The following TBCK variants were observed in gnomAD, a reference collection of about 807,000 sequenced individuals.
TBCK encodes TBC domain-containing protein kinase-like protein.
A neutral mutation model predicts 113.4 loss-of-function variants in TBCK; 99 were observed. That is an observed-to-expected ratio of 0.87 (90% CI 0.74 to 1.03). TBCK has a LOEUF of 1.03. Among genes scored for constraint, TBCK ranks in the 50% least tolerant of loss-of-function variants. The pLI is 0.00. For synonymous variants in TBCK, 369 were observed against 370.8 expected (o/e 1.00, Z 0.05); for missense variants, 1,045 against 1,061.3 (o/e 0.98, Z 0.21).
At position 106,242,504 on chromosome 4, in the gene TBCK, G is replaced by A. The variant is rs1445824440; in HGVS notation, c.1136C>T (p.Thr379Ile). ...GRDRSSLLDD[T>I]TVTLSLCQLR... The stretch of plus-strand genomic sequence containing the variant: ...CTGGCATAACGACAATGTCACAGTG[G>A]TATCATCTAAAAGCGAGCTTCTATC... The change falls in exon 12 of 26, where the codon ACC (threonine) becomes ATC (isoleucine). Residue 379 changes from threonine to isoleucine, a missense_variant. Coordinates refer to ENST00000394708, the MANE Select transcript of TBCK (RefSeq NM_001163435.3). The A allele has an allele frequency of 4.4e-6, 7 of 1,608,180 alleles. No homozygotes were observed. Among genetic ancestry groups the A allele is most frequent in the Non-Finnish European group, 5.1e-6 (6 of 1,177,190 alleles).
chr4:106,244,830 A>G (rs2150041933), intron 10 of TBCK, 66 bp from the exon 11 acceptor site: 2 of 949,966 alleles, frequency 2.1e-6, no homozygotes, highest in Non-Finnish European at 3.0e-6. Context: ...GTCAACAGGC[A>G]GTAATAGCTG....
chr4:106,213,988 G>A (rs926455679), intron 19 of TBCK, among the ~76,000 whole-genome samples: 1 of 152,170 alleles, frequency 6.6e-6, no homozygotes, highest in Non-Finnish European at 1.5e-5. Flanking sequence ...TTTGAAGAGA[G>A]CAGTGGTTCT....
At chr4:106,099,418 G>A (rs953222275) in intron 24 of TBCK, among the ~76,000 whole-genome samples, 1 of 151,922 alleles carries the variant, frequency 6.6e-6, no homozygotes, top group African/African-American at 2.4e-5. Flanking sequence ...TTTGTCTGCT[G>A]GGTTAACTAA....
intron 25 of TBCK, among the ~76,000 whole-genome samples, chr4:106,048,802 A>G (rs1734486239): frequency 6.6e-6 from 1 of 152,154 alleles, no homozygotes; most frequent in Non-Finnish European, 1.5e-5. Flanking sequence ...GTAGAGCTGG[A>G]AAGAGTTCTG....
intron 24 of TBCK, 48 bp downstream of exon 24, chr4:106,116,155 A>G: frequency 3.2e-6 from 5 of 1,545,532 alleles, no homozygotes; most frequent in Non-Finnish European, 4.4e-6. Context: ...AAAGGATGCA[A>G]TACAAATAAG....
chr4:106,100,888 C>A (rs1320616330), intron 24 of TBCK, among the ~76,000 whole-genome samples: 1 of 152,112 alleles, frequency 6.6e-6, no homozygotes. Context: ...CTTCTCTGGG[C>A]CTCAAACAAT....
At chr4:106,093,383 T>G (rs1740532614) in intron 25 of TBCK, among the ~76,000 whole-genome samples, 1 of 152,140 alleles carries the variant, frequency 6.6e-6, no homozygotes, top group Non-Finnish European at 1.5e-5. Flanking sequence ...GGTGGGTGCC[T>G]GTAGTGCCAG....
At chr4:106,121,088 T>A (rs1368091614) in intron 23 of TBCK, among the ~76,000 whole-genome samples, 4 of 152,086 alleles carry the variant, frequency 2.6e-5, no homozygotes, top group Non-Finnish European at 5.9e-5. Flanking sequence ...GAAGAATGTA[T>A]AACTAGAATA....
intron 3 of TBCK, among the ~76,000 whole-genome samples, chr4:106,288,689 C>G (rs537262010): frequency 6.6e-6 from 1 of 152,230 alleles, no homozygotes; most frequent in African/African-American, 2.4e-5. Context: ...AAGGTTAATC[C>G]ACATGTTGTG....
chr4:106,156,689 G>A (rs2149695899), intron 23 of TBCK, among the ~76,000 whole-genome samples: 1 of 152,220 alleles, frequency 6.6e-6, no homozygotes, highest in Middle Eastern at 3.4e-3. Context: ...TACTGCTGAT[G>A]TTCTCTTAAG....
chr4:106,193,951 G>A (rs1042777416), intron 21 of TBCK, among the ~76,000 whole-genome samples, 181 bp from the exon 22 acceptor site: 5 of 151,866 alleles, frequency 3.3e-5, no homozygotes, highest in African/African-American at 1.2e-4. Flanking sequence ...AGCTTCCTAA[G>A]GCATCTTAAA....
chr4:106,116,728 T>C lies in TBCK; in HGVS notation c.2236-350A>G, dbSNP rs947646596. On this transcript the variant is annotated intron_variant, in intron 23 of 25. Transcript: ENST00000394708. ...GATTCTCATAGGAGTACAAACCCTG[T>C]TGTGAACTATGTATGTGAGGGATCT... Among the ~76,000 whole-genome samples the C allele has an allele frequency of 4.9e-4, 74 of 152,108 alleles. 1 individual carries two copies. Among genetic ancestry groups the C allele is most frequent in the Non-Finnish European group, 2.2e-4 (15 of 68,012 alleles).
intron 25 of TBCK, among the ~76,000 whole-genome samples, chr4:106,052,833 G>A (rs1734958164): frequency 6.6e-6 from 1 of 151,724 alleles, no homozygotes; most frequent in Admixed American, 6.6e-5. Context: ...TTCAACAATT[G>A]TAACTTGTAG....
intron 23 of TBCK, among the ~76,000 whole-genome samples, chr4:106,122,303 C>T (rs1383032861): frequency 2.0e-5 from 3 of 152,246 alleles, no homozygotes; most frequent in African/African-American, 7.2e-5. Context: ...TCGACACATA[C>T]ACTCTCCCAA....
intron 19 of TBCK, among the ~76,000 whole-genome samples, chr4:106,215,437 C>A (rs542745665): frequency 3.3e-5 from 5 of 152,228 alleles, no homozygotes; most frequent in Admixed American, 6.5e-5. Flanking sequence ...GATAAAGAGT[C>A]AAGACCCATC....
intron 2 of TBCK, 148 bp downstream of exon 2, chr4:106,308,620 G>C (rs1767799918): frequency 1.4e-6 from 1 of 713,874 alleles, no homozygotes; most frequent in Non-Finnish European, 2.2e-6. Context: ...GTACGAGAGA[G>C]AGGCAGGGTG....
chr4:106,306,861 A>C (rs549942361), intron 2 of TBCK, among the ~76,000 whole-genome samples: 1 of 152,214 alleles, frequency 6.6e-6, no homozygotes, highest in Non-Finnish European at 1.5e-5. Flanking sequence ...TATTTGCAGA[A>C]TCAATCAATC....
chr4:106,291,367 C>G (rs1380885093), intron 3 of TBCK, among the ~76,000 whole-genome samples: 15 of 152,272 alleles, frequency 9.9e-5, no homozygotes, highest in African/African-American at 3.6e-4. Flanking sequence ...CAGCAGAAGA[C>G]TCTAAGACTG....
At position 106,095,565 on chromosome 4, in the gene TBCK, G is replaced by C. The variant is rs781011538; in HGVS notation, c.2488C>G (p.Gln830Glu). 5.0e-6 allele frequency: 8 copies of C among 1,614,100 alleles called. No individual in the cohort carries two copies. In the South Asian group the frequency reaches 7.7e-5, roughly 16 times the overall value. Residue 830 changes from glutamine (Q) to glutamate (E), a missense_variant, in exon 25 of 26, where the codon CAG becomes GAG. Coordinates refer to ENST00000394708, the MANE Select transcript of TBCK (RefSeq NM_001163435.3). ...AAFTAEGELT[Q>E]GPYTAMLQNF... ...TGGAGCATAGCAGTGTAAGGGCCCTGGGTAAGCTCCCCTTCTGCAGTGAAG... is the reference window on the plus strand; with the variant it reads ...TGGAGCATAGCAGTGTAAGGGCCCTCGGTAAGCTCCCCTTCTGCAGTGAAG...
Sources: allele counts gnomAD v4.1 joint callset (sites outside exome capture counted in the v4.1 genomes callset), GRCh38; gene constraint gnomAD v4.1.1; transcripts MANE v1.5; gene names NCBI Gene and HGNC (gene_info 2026-07-23, HGNC 2026-07-21).